Variants in PAG1 observed in about 807,000 individuals in gnomAD.
PAG1 encodes phosphoprotein associated with glycosphingolipid-enriched microdomains 1.
A neutral mutation model predicts 31.7 loss-of-function variants in PAG1; 23 were observed. That is an observed-to-expected ratio of 0.73 (90% CI 0.52 to 1.03). The LOEUF is 1.03. Ranked by LOEUF, PAG1 falls within the 50% of genes least tolerant of loss-of-function variation. PAG1 has a pLI of 0.00. For missense variants in PAG1, 473 were observed against 540.7 expected, an observed-to-expected ratio of 0.87 and a Z score of 1.24; for synonymous variants, 214 against 210.3, an observed-to-expected ratio of 1.02 and a Z score of -0.15.
chr8:81,030,675 C>T (rs2130788613), intron 2 of PAG1, among the ~76,000 whole-genome samples: 1 of 152,332 alleles, frequency 6.6e-6, no homozygotes, highest in Middle Eastern at 3.4e-3. Flanking sequence ...AGAGAGGCTA[C>T]ATGGGCGACT....
At chr8:81,072,101 G>A (rs1809103397) in intron 1 of PAG1, among the ~76,000 whole-genome samples, 1 of 152,188 alleles carries the variant, frequency 6.6e-6, no homozygotes, top group African/African-American at 2.4e-5. Flanking sequence ...TGTGGCGTGG[G>A]GAGAGAGCTG....
chr8:81,021,756 G>A (rs1166041715), intron 3 of PAG1, among the ~76,000 whole-genome samples: 1 of 151,968 alleles, frequency 6.6e-6, no homozygotes, highest in African/African-American at 2.4e-5. Flanking sequence ...AAAAGAATTC[G>A]ACATTTAGAA....
intron 1 of PAG1, among the ~76,000 whole-genome samples, chr8:81,102,065 G>T (rs1456280381): frequency 6.6e-6 from 1 of 151,988 alleles, no homozygotes; most frequent in Non-Finnish European, 1.5e-5. Context: ...ATTTGCATTT[G>T]GATGAAATTG....
In PAG1 at chr8:81,004,197, G is replaced by A. The variant is rs188644112; in HGVS notation, c.-80-10890C>T. ...GAAAACACTTCTCCTGAAAGCTTCCGAGGCTGATTAAAGGCATATACCCAA... is the reference window on the plus strand; with the variant it reads ...GAAAACACTTCTCCTGAAAGCTTCCAAGGCTGATTAAAGGCATATACCCAA... On this transcript the variant is annotated intron_variant, in intron 3 of 8. Transcript: ENST00000220597. Among the ~76,000 whole-genome samples the A allele has an allele frequency of 9.9e-5, 15 of 152,274 alleles. No homozygotes were observed. In the East Asian group the frequency reaches 2.1e-3, roughly 22 times the overall value.
At chr8:81,051,081 T>C (rs1808720246) in intron 2 of PAG1, among the ~76,000 whole-genome samples, 1 of 152,254 alleles carries the variant, frequency 6.6e-6, no homozygotes, top group African/African-American at 2.4e-5. Context: ...TTATTTCTTA[T>C]GCAGTGGGTT....
intron 6 of PAG1, among the ~76,000 whole-genome samples, chr8:80,986,856 G>C (rs1002662380): frequency 6.6e-6 from 1 of 152,006 alleles, no homozygotes; most frequent in Non-Finnish European, 1.5e-5. Flanking sequence ...GAGGCCAATG[G>C]ATTCTCCTTG....
chr8:81,105,705 T>C (rs910928574), intron 1 of PAG1, among the ~76,000 whole-genome samples: 6 of 152,198 alleles, frequency 3.9e-5, no homozygotes, highest in African/African-American at 1.4e-4. Flanking sequence ...ATGGGTATGG[T>C]TTGGGGTGAA....
At chr8:81,007,636 CAAAAAAAAAAAAAAAAA>C in intron 3 of PAG1, among the ~76,000 whole-genome samples, 1 of 49,734 alleles carries the variant, frequency 2.0e-5, no homozygotes, top group South Asian at 1.5e-3. Flanking sequence ...GACTCTGTCT[CAAAAAAAAAAAAAAAAA>C]AAAAAAAGAA....
rs1239635347 is a variant in PAG1 at position 80,973,501 on chromosome 8, C to T, written c.*3043G>A. The T allele has an allele frequency of 1.3e-5, 2 of 151,992 alleles. No homozygotes were observed. The allele number at this position is 151,992 out of a possible 1,614,324, so 9.4% of individuals were successfully genotyped here. ...AAATATCTGAATAAAAACAAAGATC[C>T]TACTTTTAACTGAGATAGATTTATA... On this transcript the variant is annotated 3_prime_UTR_variant, in exon 9 of 9. Coordinates refer to ENST00000220597, the MANE Select transcript of PAG1 (RefSeq NM_018440.4).
intron 1 of PAG1, among the ~76,000 whole-genome samples, chr8:81,087,532 T>A (rs1426360336): frequency 6.6e-6 from 1 of 152,100 alleles, no homozygotes; most frequent in Non-Finnish European, 1.5e-5. Context: ...CAAATGTCTA[T>A]CAACAGGAGA....
In PAG1 at chr8:80,976,780, A is replaced by G; in HGVS notation, c.1063T>C (p.Cys355Arg). 1 of 1,613,708 alleles carries G rather than the reference A, an allele frequency of 6.2e-7. No individual in the cohort carries two copies. Among genetic ancestry groups the G allele is most frequent in the Non-Finnish European group, 8.5e-7 (1 of 1,179,778 alleles). ...TTAACAGTAGCATAGAGATCATTACAGGAGGAGGGTGACCTCTGTGGGTCC... is the reference window on the plus strand; with the variant it reads ...TTAACAGTAGCATAGAGATCATTACGGGAGGAGGGTGACCTCTGTGGGTCC... ...QGDPQRSPSSCNDLYATVKDF... is the reference protein window; with the variant it reads ...QGDPQRSPSSRNDLYATVKDF... Residue 355 changes from cysteine to arginine, a missense_variant, in exon 9 of 9, where the codon TGT becomes CGT. Coordinates refer to ENST00000220597, the MANE Select transcript of PAG1 (RefSeq NM_018440.4).
rs1807089120 is a variant in PAG1 at position 80,972,097 on chromosome 8, T to C, written c.*4447A>G. ...TCACTGCAAATAAAGCCATATTTGATATTAAAGACACATGTTCCTATTTTC... is the reference window on the plus strand; with the variant it reads ...TCACTGCAAATAAAGCCATATTTGACATTAAAGACACATGTTCCTATTTTC... On this transcript the variant is annotated 3_prime_UTR_variant, in exon 9 of 9. Coordinates refer to ENST00000220597, the MANE Select transcript of PAG1 (RefSeq NM_018440.4). 1 of 152,248 alleles carries C rather than the reference T, an allele frequency of 6.6e-6. No individual in the cohort carries two copies. Among genetic ancestry groups the C allele is most frequent in the Non-Finnish European group, 1.5e-5 (1 of 68,050 alleles). 9.4% of individuals were successfully genotyped at this position (152,248 alleles called of 1,614,324 possible).
intron 2 of PAG1, among the ~76,000 whole-genome samples, chr8:81,034,294 A>G (rs1230487159): frequency 6.6e-6 from 1 of 152,194 alleles, no homozygotes; most frequent in Non-Finnish European, 1.5e-5. Context: ...CTCAATATTT[A>G]TTCACTGATT....
At chr8:81,043,697 A>G (rs1808592850) in intron 2 of PAG1, among the ~76,000 whole-genome samples, 1 of 152,254 alleles carries the variant, frequency 6.6e-6, no homozygotes, top group African/African-American at 2.4e-5. Flanking sequence ...GAGTGAGTAT[A>G]GATAGGATTC....
chr8:81,057,415 T>A (rs1443869110), intron 2 of PAG1, among the ~76,000 whole-genome samples: 1 of 152,032 alleles, frequency 6.6e-6, no homozygotes, highest in African/African-American at 2.4e-5. Flanking sequence ...TTCATGTCCT[T>A]CATAGGGACA....
chr8:81,063,783 C>T (rs992670404), intron 2 of PAG1, among the ~76,000 whole-genome samples: 2 of 152,142 alleles, frequency 1.3e-5, no homozygotes, highest in African/African-American at 4.8e-5. Context: ...GGGGAACTTA[C>T]GGACAGGGGC....
intron 2 of PAG1, among the ~76,000 whole-genome samples, chr8:81,063,867 G>A (rs1808960313): frequency 2.0e-5 from 3 of 152,156 alleles, no homozygotes; most frequent in African/African-American, 7.2e-5. Flanking sequence ...TATATACCCA[G>A]GGAAGGGGTA....
intron 1 of PAG1, among the ~76,000 whole-genome samples, chr8:81,096,003 GA>G (rs1263416515): frequency 6.6e-6 from 1 of 152,216 alleles, no homozygotes; most frequent in African/African-American, 2.4e-5. Flanking sequence ...TTTGTTAAGT[GA>G]AGCGTTTTGT....
At chr8:80,991,558 G>A (rs748166981) in intron 4 of PAG1, 28 bp from the exon 5 acceptor site, 1 of 1,561,612 alleles carries the variant, frequency 6.4e-7, no homozygotes, top group Non-Finnish European at 8.8e-7. Flanking sequence ...ATGTTGTAAT[G>A]TCAAATGTGC....
Sources: allele counts gnomAD v4.1 joint callset (sites outside exome capture counted in the v4.1 genomes callset), GRCh38; gene constraint gnomAD v4.1.1; transcripts MANE v1.5; gene names NCBI Gene and HGNC (gene_info 2026-07-23, HGNC 2026-07-21).